Variants in UTP20 observed in about 807,000 individuals in gnomAD.
UTP20 encodes the protein small subunit processome component 20 homolog.
In UTP20, 164 loss-of-function variants were observed where a neutral mutation model predicts 329.5. The ratio of observed to expected loss-of-function variants is 0.50; its 90% confidence interval spans 0.44 to 0.57. UTP20 has a LOEUF of 0.57. Ranked by LOEUF, UTP20 falls within the 20% of genes least tolerant of loss-of-function variation. The pLI is 0.00. For missense variants in UTP20, 3,055 were observed against 3,284.2 expected (o/e 0.93, Z 1.71); for synonymous variants, 1,151 against 1,159.3 (o/e 0.99, Z 0.14).
At position 101,375,762 on chromosome 12, in the gene UTP20, T is replaced by A; in HGVS notation, c.7396+6T>A. 6.6e-7 allele frequency: 1 copy of A among 1,512,872 alleles called. No individual in the cohort carries two copies. Among genetic ancestry groups the A allele is most frequent in the Non-Finnish European group, 9.1e-7 (1 of 1,104,772 alleles). The allele number at this position is 1,512,872 out of a possible 1,614,324, so 93.7% of individuals were successfully genotyped here. A position where few individuals can be genotyped will look rare whatever the true frequency, so the allele number is the denominator to read the frequency against. On this transcript the variant is annotated splice_donor_region_variant and intron_variant, in intron 56 of 61. Transcript: ENST00000261637. ...GACTTTGAGTAAAATCTGGAGTAAG[T>A]ATTTCCTTTTTTATTTAAATCAAAC...
At chr12:101,281,636 G>A (rs1411275853) in intron 2 of UTP20, among the ~76,000 whole-genome samples, 1 of 152,064 alleles carries the variant, frequency 6.6e-6, no homozygotes, top group Non-Finnish European at 1.5e-5. Flanking sequence ...AAAATAAAGG[G>A]GCTAGACTAC....
At chr12:101,312,947 G>A (rs1447380819) in intron 21 of UTP20, among the ~76,000 whole-genome samples, 1 of 152,164 alleles carries the variant, frequency 6.6e-6, no homozygotes, top group Non-Finnish European at 1.5e-5. Context: ...CATGTAGAAA[G>A]GCCTTATTAT....
intron 21 of UTP20, 146 bp downstream of exon 21, chr12:101,312,422 T>A: frequency 8.0e-7 from 1 of 1,250,634 alleles, no homozygotes; most frequent in South Asian, 1.6e-5. Context: ...AGGTATTTTT[T>A]GTTTGTTTGT....
rs1407652843 is a variant in UTP20 at position 101,321,487 on chromosome 12, G to A, written c.2916-17G>A. The A allele has an allele frequency of 1.2e-6, 2 of 1,611,072 alleles. No individual in the cohort carries two copies. Among genetic ancestry groups the A allele is most frequent in the East Asian group, 2.2e-5 (1 of 44,662 alleles). On this transcript the variant is annotated splice_polypyrimidine_tract_variant and intron_variant, in intron 24 of 61. Coordinates refer to ENST00000261637, the MANE Select transcript of UTP20 (RefSeq NM_014503.3). ...TGTTGATAAAGTGGTGATTTGTGCT[G>A]TTCTCTGTTTTTAAAGGGAAAACTT...
chr12:101,291,771 A>G lies in UTP20; in HGVS notation c.921A>G (p.Val307=). Reference sequence around the variant, plus strand: ...CGCTCTTGGATCTACACACAAAAGTAACAAAAACTAACTGTTGTGAAAGTT... The same window carrying G: ...CGCTCTTGGATCTACACACAAAAGTGACAAAAACTAACTGTTGTGAAAGTT... ...QESLLDLHTK[V]TKTNCCESSE... is the part of the protein sequence containing the mutation. The change falls in exon 9 of 62, where the codon GTA becomes GTG. Residue 307 remains valine (V), a synonymous_variant. Coordinates refer to ENST00000261637, the MANE Select transcript of UTP20 (RefSeq NM_014503.3). 2 of 1,602,612 alleles carry G rather than the reference A, an allele frequency of 1.2e-6. No individual in the cohort carries two copies. Among genetic ancestry groups the G allele is most frequent in the South Asian group, 1.1e-5 (1 of 87,894 alleles).
At chr12:101,365,213 AG>A (rs1280871190) in intron 45 of UTP20, among the ~76,000 whole-genome samples, 3 of 152,126 alleles carry the variant, frequency 2.0e-5, no homozygotes, top group African/African-American at 7.2e-5. Flanking sequence ...AGCAGAGAAC[AG>A]GGAGGGAGTG....
In UTP20 at chr12:101,373,391, C is replaced by T. The variant is rs2121037162; in HGVS notation, c.6879-10C>T. 2 of 1,613,022 alleles carry T rather than the reference C, an allele frequency of 1.2e-6. No homozygotes were observed. Among genetic ancestry groups the T allele is most frequent in the Non-Finnish European group, 1.7e-6 (2 of 1,179,048 alleles). On this transcript the variant is annotated splice_polypyrimidine_tract_variant and intron_variant, in intron 52 of 61. Transcript: ENST00000261637. The stretch of plus-strand genomic sequence containing the variant: ...GATACTAACAAATCCACCTAATGTC[C>T]TTCCCCTAGTTACGAACATGAGACC...
At chr12:101,343,429 G>C (rs1389118389) in intron 35 of UTP20, among the ~76,000 whole-genome samples, 1 of 152,112 alleles carries the variant, frequency 6.6e-6, no homozygotes, top group Non-Finnish European at 1.5e-5. Flanking sequence ...TGGGTATAGG[G>C]TTTCTTTTGG....
At chr12:101,363,444 C>G (rs1388611557) in intron 44 of UTP20, 132 bp from the exon 45 acceptor site, 12 of 719,398 alleles carry the variant, frequency 1.7e-5, no homozygotes, top group Admixed American at 3.3e-5. Flanking sequence ...GAAATTTCTT[C>G]CATCTAATTT....
At chr12:101,284,442 T>A (rs1252307657) in intron 2 of UTP20, among the ~76,000 whole-genome samples, 1 of 152,202 alleles carries the variant, frequency 6.6e-6, no homozygotes, top group Admixed American at 6.5e-5. Context: ...TTAAGGCATA[T>A]AATATTCCAT....
Position 101,295,654 on chromosome 12 carries a change from G to T in UTP20, c.1426G>T (p.Val476Leu), listed in dbSNP as rs1295237257. 6.3e-7 allele frequency: 1 copy of T among 1,599,998 alleles called. No homozygotes were observed. The highest frequency in any genetic ancestry group is 1.7e-5 in the Admixed American group (1 of 58,856). The change falls in exon 12 of 62, where the codon GTG becomes TTG. Residue 476 changes from valine (V) to leucine (L), a missense_variant. By Grantham distance (32) the Val-to-Leu change is conservative. This residue lies in a region of UTP20 where 2,445 missense variants were observed against 2,575.5 expected (regional missense o/e 0.95). Transcript: ENST00000261637. ...CCCTCTGGTTTTCTCACCGCAGATG[G>T]TGGGGTGAGTTCTAACTTTTTATTC... ...KYPLVFSPQM[V>L]GFYIKQKKTR...
intron 31 of UTP20, among the ~76,000 whole-genome samples, chr12:101,339,235 C>A (rs1325637000): frequency 6.6e-6 from 1 of 152,132 alleles, no homozygotes; most frequent in African/African-American, 2.4e-5. Flanking sequence ...ATGGCTTGAA[C>A]CCAGGAGGCG....
chr12:101,296,783 A>G (rs1027213948), intron 12 of UTP20, among the ~76,000 whole-genome samples: 9 of 152,078 alleles, frequency 5.9e-5, no homozygotes, highest in Non-Finnish European at 1.3e-4. Context: ...AATAAAAATT[A>G]TATACCTTTG....
In UTP20 at chr12:101,329,371, C is replaced by G. The variant is rs144955025; in HGVS notation, c.3339C>G (p.Ser1113Arg). The part of the protein sequence containing the change: ...IVLKNISHLI[S>R]AYLPKILQIL... ...TGAAAAACATTAGTCATCTGATCAG[C>G]GCATACCTGCCGAAGATTTTGCAGA... Residue 1113 changes from serine (S) to arginine (R), a missense_variant, in exon 27 of 62, where the codon AGC becomes AGG. By Grantham distance (110) the Ser-to-Arg change is moderately radical. This residue lies in a region of UTP20 where 2,445 missense variants were observed against 2,575.5 expected (regional missense o/e 0.95). Coordinates refer to ENST00000261637, the MANE Select transcript of UTP20 (RefSeq NM_014503.3). The G allele has an allele frequency of 6.2e-7, 1 of 1,614,004 alleles. No individual in the cohort carries two copies. Among genetic ancestry groups the G allele is most frequent in the Non-Finnish European group, 8.5e-7 (1 of 1,179,990 alleles).
Position 101,383,170 on chromosome 12 carries a change from G to T in UTP20, c.7786G>T (p.Asp2596Tyr). The change falls in exon 59 of 62, where the codon GAT becomes TAT. Residue 2596 changes from aspartate (D) to tyrosine (Y), a missense_variant. Transcript: ENST00000261637. Reference sequence around the variant, plus strand: ...TTTAGAAGATGGTGTGGCCTGTGCAGATGAGAAGGCGGAGTCTGACGGAGA... The same window carrying T: ...TTTAGAAGATGGTGTGGCCTGTGCATATGAGAAGGCGGAGTCTGACGGAGA... Reference protein sequence around the residue: ...EALEDGVACADEKAESDGEEK... With the variant: ...EALEDGVACAYEKAESDGEEK... 1 of 1,614,010 alleles carries T rather than the reference G, an allele frequency of 6.2e-7. No individual in the cohort carries two copies. The highest frequency in any genetic ancestry group is 8.5e-7 in the Non-Finnish European group (1 of 1,179,888).
At chr12:101,300,877 A>G (rs960024598) in intron 14 of UTP20, among the ~76,000 whole-genome samples, 1 of 152,156 alleles carries the variant, frequency 6.6e-6, no homozygotes, top group African/African-American at 2.4e-5. Flanking sequence ...GTGGCGACAT[A>G]TTAGGACAAG....
At chr12:101,306,836 C>G in intron 17 of UTP20, 75 bp downstream of exon 17, 2 of 1,379,448 alleles carry the variant, frequency 1.4e-6, no homozygotes, top group African/African-American at 1.5e-5. Flanking sequence ...CAAAATGATA[C>G]CTTTGCAGAA....
intron 54 of UTP20, among the ~76,000 whole-genome samples, chr12:101,374,006 C>T (rs1474818709): frequency 3.9e-5 from 6 of 151,986 alleles, no homozygotes; most frequent in Non-Finnish European, 5.9e-5. Context: ...GAGGCCGAGG[C>T]GGGCGGATCA....
chr12:101,295,448 A>G, intron 11 of UTP20, 32 bp from the exon 12 acceptor site: 1 of 1,524,040 alleles, frequency 6.6e-7, no homozygotes, highest in Non-Finnish European at 8.8e-7. Context: ...TATATCTGTT[A>G]ATAAGTGTGA....
Sources: allele counts gnomAD v4.1 joint callset (sites outside exome capture counted in the v4.1 genomes callset), GRCh38; gene constraint gnomAD v4.1.1; regional missense constraint gnomAD v4.1.1; transcripts MANE v1.5; gene names NCBI Gene and HGNC (gene_info 2026-07-23, HGNC 2026-07-21).